Variants in ZFR2 observed in about 807,000 individuals in gnomAD.
The protein encoded by ZFR2 is zinc finger RNA-binding protein 2.
A neutral mutation model predicts 105.7 loss-of-function variants in ZFR2; 104 were observed. The ratio of observed to expected loss-of-function variants is 0.98; its 90% CI spans 0.84 to 1.16. The LOEUF (loss-of-function observed/expected upper bound fraction) is 1.16, where lower values mean the gene tolerates loss of function less well. Among genes scored for constraint, ZFR2 ranks in the 50% most tolerant of loss-of-function variants. ZFR2 has a pLI of 0.00. For missense variants in ZFR2, 1,425 were observed against 1,355.5 expected (o/e 1.05, Z -0.80); for synonymous variants, 634 against 597.7 (o/e 1.06, Z -0.89).
intron 1 of ZFR2, among the ~76,000 whole-genome samples, chr19:3,837,726 T>C (rs968937071): frequency 1.3e-5 from 2 of 148,554 alleles, no homozygotes; most frequent in African/African-American, 5.0e-5. Flanking sequence ...TGACACTTGA[T>C]GAATGCTGTG....
chr19:3,826,935 G>A (rs562050768), intron 6 of ZFR2, among the ~76,000 whole-genome samples: 63 of 152,204 alleles, frequency 4.1e-4, no homozygotes, highest in African/African-American at 1.5e-3. Flanking sequence ...CAATGAGCAG[G>A]AACCCTTTTT....
At chr19:3,836,959 G>C (rs1266322538) in intron 1 of ZFR2, among the ~76,000 whole-genome samples, 1 of 152,168 alleles carries the variant, frequency 6.6e-6, no homozygotes, top group African/African-American at 2.4e-5. Context: ...ATAGGGGAAG[G>C]AGCAAGGTAT....
chr19:3,848,421 G>A (rs563514473), intron 1 of ZFR2, among the ~76,000 whole-genome samples: 73 of 151,970 alleles, frequency 4.8e-4, no homozygotes, highest in Non-Finnish European at 9.0e-4. Flanking sequence ...TCGGAAAAAA[G>A]CTTTCATGGC....
At position 3,813,995 on chromosome 19, in the gene ZFR2, G is replaced by A. The variant is rs375878987; in HGVS notation, c.2104-37C>T. The A allele has an allele frequency of 1.6e-5, 25 of 1,610,928 alleles. No individual in the cohort carries two copies. In the Middle Eastern group the frequency reaches 6.6e-4, roughly 43 times the overall value. On this transcript the variant is annotated intron_variant, in intron 13 of 18. Transcript: ENST00000262961. The surrounding 1 kb of genome is among the most constrained non-coding windows in gnomAD (Gnocchi z 4.4). ...AAATACAACACAAGGCCACCTTACTGCAGCCCAGATTCATGTGTAAATCAG... is the reference window on the plus strand; with the variant it reads ...AAATACAACACAAGGCCACCTTACTACAGCCCAGATTCATGTGTAAATCAG...
At position 3,827,645 on chromosome 19, in the gene ZFR2, C is replaced by G; in HGVS notation, c.861G>C (p.Arg287=). ...TGTGCTTCTGCCCTCCCAGATGTTC[C>G]CGGTAGGTCTGCGGCAAGGGGTGAG... ...KISCAGPQTY[R]EHLGGQKHRK... Residue 287 remains arginine (R), a synonymous_variant, in exon 6 of 19, where the codon CGG becomes CGC. Coordinates refer to ENST00000262961, the MANE Select transcript of ZFR2 (RefSeq NM_015174.2). 6.3e-7 allele frequency: 1 copy of G among 1,579,388 alleles called. No homozygotes were observed. The highest frequency in any genetic ancestry group is 8.6e-7 in the Non-Finnish European group (1 of 1,163,142).
At chr19:3,842,790 A>AT (rs926716322) in intron 1 of ZFR2, among the ~76,000 whole-genome samples, 8 of 151,686 alleles carry the variant, frequency 5.3e-5, no homozygotes, top group Admixed American at 3.3e-4. Context: ...AGCCCAACTA[A>AT]TTTTTTGTAT....
Position 3,823,256 on chromosome 19 carries a change from T to C in ZFR2, c.1361A>G (p.Tyr454Cys), listed in dbSNP as rs374969306. 10 of 1,613,710 alleles carry C rather than the reference T, an allele frequency of 6.2e-6. No homozygotes were observed. Among genetic ancestry groups the C allele is most frequent in the Non-Finnish European group, 8.5e-6 (10 of 1,179,828 alleles). Reference sequence around the variant, plus strand: ...ACAGCCTCGACTTACCTCCTCCACATATTCCGGGCCCACCGGCTGCGCATC... The same window carrying C: ...ACAGCCTCGACTTACCTCCTCCACACATTCCGGGCCCACCGGCTGCGCATC... Reference protein sequence around the residue: ...CSDAQPVGPEYVEEVFSDEGR... With the variant: ...CSDAQPVGPECVEEVFSDEGR... The change falls in exon 8 of 19, where the codon TAT (tyrosine) becomes TGT (cysteine). Residue 454 changes from tyrosine (Y) to cysteine (C), a missense_variant. Transcript: ENST00000262961. This position sits in a 1 kb window ranked among gnomAD's most constrained non-coding sequence, Gnocchi z 5.4.
At chr19:3,812,039 G>A (rs1279338711) in intron 14 of ZFR2, among the ~76,000 whole-genome samples, 1 of 152,168 alleles carries the variant, frequency 6.6e-6, no homozygotes, top group African/African-American at 2.4e-5. Flanking sequence ...CGCCTCTCGG[G>A]TTCAAGTGAT....
chr19:3,821,700 G>A (rs1302499767), intron 9 of ZFR2, among the ~76,000 whole-genome samples: 4 of 136,932 alleles, frequency 2.9e-5, no homozygotes, highest in African/African-American at 8.1e-5. Flanking sequence ...TGCAACCTCC[G>A]CCTCCCGGGT....
rs2037903480 is a variant in ZFR2 at position 3,822,170 on chromosome 19, A to G, written c.1402T>C (p.Phe468Leu). Residue 468 changes from phenylalanine to leucine, a missense_variant, in exon 9 of 19, where the codon TTC becomes CTC. Coordinates refer to ENST00000262961, the MANE Select transcript of ZFR2 (RefSeq NM_015174.2). ...CTGCACTCGCACAGCTTGCAGTGGAAGCGAAGCACTCGCCCTTCGTCGCTG... is the reference window on the plus strand; with the variant it reads ...CTGCACTCGCACAGCTTGCAGTGGAGGCGAAGCACTCGCCCTTCGTCGCTG... ...VFSDEGRVLR[F>L]HCKLCECSFN... is the part of the protein sequence containing the mutation. 6.2e-7 allele frequency: 1 copy of G among 1,606,062 alleles called. No individual in the cohort carries two copies. The highest frequency in any genetic ancestry group is 2.2e-5 in the East Asian group (1 of 44,462).
chr19:3,832,640 TA>T (rs1310303188), intron 3 of ZFR2, among the ~76,000 whole-genome samples: 54 of 145,470 alleles, frequency 3.7e-4, no homozygotes, highest in African/African-American at 1.3e-3. Context: ...TTTTTTTTTT[TA>T]TTTTTTATTT....
intron 17 of ZFR2, among the ~76,000 whole-genome samples, chr19:3,807,731 T>C (rs1247868598): frequency 7.2e-6 from 1 of 139,476 alleles, no homozygotes; most frequent in Non-Finnish European, 1.5e-5. Context: ...TGCCCGTGTG[T>C]GTGTGCATGT....
intron 12 of ZFR2, among the ~76,000 whole-genome samples, chr19:3,818,641 G>A (rs1443426061): frequency 1.3e-5 from 2 of 152,150 alleles, no homozygotes; most frequent in Non-Finnish European, 1.5e-5. Context: ...TGATTCACAC[G>A]GGCACTCAGT....
intron 6 of ZFR2, among the ~76,000 whole-genome samples, chr19:3,827,029 G>T (rs767557407): frequency 1.1e-4 from 17 of 152,054 alleles, no homozygotes; most frequent in Non-Finnish European, 2.5e-4. Context: ...ATCACTTGAG[G>T]TCAGGAGTTC....
chr19:3,834,885 G>C lies in ZFR2; in HGVS notation c.152C>G (p.Pro51Arg), dbSNP rs771082563. Residue 51 changes from proline to arginine, a missense_variant, in exon 2 of 19, where the codon CCA (proline) becomes CGA (arginine). Transcript: ENST00000262961. The surrounding 1 kb of genome is among the most constrained non-coding windows in gnomAD (Gnocchi z 5.3). ...TCCACCGTACCCTGCCGGGGCAGCT[G>C]GGGGAAAGGCCGGGTTCACGGCAGG... ...MDPAVNPAFP[P>R]AAPAGYGGYQ... is the part of the protein sequence containing the mutation. 4.7e-5 allele frequency: 75 copies of C among 1,611,588 alleles called. No homozygotes were observed. Among genetic ancestry groups the C allele is most frequent in the Non-Finnish European group, 6.3e-5 (74 of 1,179,036 alleles).
intron 12 of ZFR2, among the ~76,000 whole-genome samples, chr19:3,817,152 G>A (rs2037834325): frequency 6.6e-6 from 1 of 152,188 alleles, no homozygotes. Flanking sequence ...GCGAGGTCTG[G>A]TGGCTCCCGC....
chr19:3,822,795 C>A lies in ZFR2; in HGVS notation c.1371+451G>T, dbSNP rs1196180061. ...TGGCACGCACAAGGCCAACCGGGGTCTGAACTGCCGCTGGCCTGGGAGCTG... is the reference window on the plus strand; with the variant it reads ...TGGCACGCACAAGGCCAACCGGGGTATGAACTGCCGCTGGCCTGGGAGCTG... On this transcript the variant is annotated intron_variant, in intron 8 of 18. Coordinates refer to ENST00000262961, the MANE Select transcript of ZFR2 (RefSeq NM_015174.2). Among the ~76,000 whole-genome samples the A allele has an allele frequency of 3.3e-5, 5 of 152,220 alleles. No individual in the cohort carries two copies. The East Asian group carries it at 9.7e-4, about 29-fold the overall frequency.
At chr19:3,811,238 C>G (rs1443667329) in intron 15 of ZFR2, 34 bp downstream of exon 15, 6 of 1,514,136 alleles carry the variant, frequency 4.0e-6, no homozygotes, top group Non-Finnish European at 5.3e-6. Flanking sequence ...TCAAAGTCAC[C>G]CCTCTCCCCC....
rs576074099 is a variant in ZFR2, at chr19:3,863,479, G to C, written c.53+5486C>G. ...GTCTCTCGCTGTCGCCCAGGCTGCA[G>C]TGCAGTGGTGCGATCATAGCTCAAT... On this transcript the variant is annotated intron_variant, in intron 1 of 18. Transcript: ENST00000262961. Among the ~76,000 whole-genome samples the C allele has an allele frequency of 2.3e-3, 349 of 152,244 alleles. 2 individuals carry two copies. The highest frequency in any genetic ancestry group is 4.1e-3 in the Non-Finnish European group (280 of 68,018).
Sources: allele counts gnomAD v4.1 joint callset (sites outside exome capture counted in the v4.1 genomes callset), GRCh38; gene constraint gnomAD v4.1.1; non-coding constraint Gnocchi (gnomAD v3.1); transcripts MANE v1.5; gene names NCBI Gene and HGNC (gene_info 2026-07-23, HGNC 2026-07-21).